EIF4B: variants seen among roughly 807,000 people sequenced by gnomAD.
EIF4B encodes eukaryotic translation initiation factor 4B.
In EIF4B, 8 loss-of-function variants were observed where a neutral mutation model predicts 79.3. The ratio of observed to expected loss-of-function variants is 0.10; its 90% CI spans 0.06 to 0.18. The LOEUF (loss-of-function observed/expected upper bound fraction) is 0.18, where lower values mean the gene tolerates loss of function less well. EIF4B is among the 10% of genes least tolerant of loss of function. The probability of loss-of-function intolerance (pLI) is 1.00; values close to 1 mark genes in which losing one functional copy is unlikely to be tolerated. For missense variants in EIF4B, 515 were observed against 792.4 expected (o/e 0.65, Z 4.20); for synonymous variants, 238 against 274.7 (o/e 0.87, Z 1.32).
In EIF4B at chr12:53,016,557, A is replaced by G. The variant is rs778491612; in HGVS notation, c.98A>G (p.Tyr33Cys). 76 of 1,613,240 alleles carry G rather than the reference A, an allele frequency of 4.7e-5. No homozygotes were observed. The highest frequency in any genetic ancestry group is 2.0e-4 in the Admixed American group (12 of 59,798). ...GGGGGTACTGGTGGAGGAAGCACCT[A>G]TGTTTCCAAACCAGTCAGCTGGGCT... ...EDGGTGGGST[Y>C]VSKPVSWADE... Residue 33 changes from tyrosine (Y) to cysteine (C), a missense_variant, in exon 2 of 15, where the codon TAT (tyrosine) becomes TGT (cysteine). By Grantham distance (194) the Tyr-to-Cys change is radical. Transcript: ENST00000262056.
At chr12:53,039,524 G>GT in intron 13 of EIF4B, 106 bp from the exon 14 acceptor site, 3 of 1,370,380 alleles carry the variant, frequency 2.2e-6, no homozygotes, top group Non-Finnish European at 3.0e-6. Context: ...AACAAGGACT[G>GT]TTGACTAGAG....
At chr12:53,016,744 A>G (rs1417875340) in intron 2 of EIF4B, 134 bp downstream of exon 2, 42 of 1,298,806 alleles carry the variant, frequency 3.2e-5, no homozygotes, top group Non-Finnish European at 1.9e-5. Flanking sequence ...TACATATTTT[A>G]TAGAATCTAA....
intron 8 of EIF4B, among the ~76,000 whole-genome samples, chr12:53,029,297 A>G (rs1943393686): frequency 6.6e-6 from 1 of 151,994 alleles, no homozygotes. Flanking sequence ...AATGGCCACC[A>G]TTTGTGTTCT....
intron 12 of EIF4B, 98 bp from the exon 13 acceptor site, chr12:53,039,140 C>T (rs1355717213): frequency 1.6e-5 from 14 of 853,922 alleles, no homozygotes; most frequent in South Asian, 8.4e-5. Flanking sequence ...TCCCTCAGTA[C>T]ATGTGGGCAC....
chr12:53,038,129 A>G (rs1943569622), intron 11 of EIF4B: 1 of 355,186 alleles, frequency 2.8e-6, no homozygotes, highest in Non-Finnish European at 5.1e-6. Context: ...AAGAAAAGAA[A>G]ATAGCAATAC....
At chr12:53,007,909 A>G (rs181920604) in intron 1 of EIF4B, among the ~76,000 whole-genome samples, 2 of 152,318 alleles carry the variant, frequency 1.3e-5, no homozygotes, top group Admixed American at 6.5e-5. Flanking sequence ...GCTAAGGAAT[A>G]TTATTTAAGG....
chr12:53,010,114 A>G (rs1032176380), intron 1 of EIF4B, among the ~76,000 whole-genome samples: 2 of 152,232 alleles, frequency 1.3e-5, no homozygotes, highest in African/African-American at 4.8e-5. Context: ...TGTAATGGTT[A>G]GCATGGCATG....
chr12:53,027,137 A>ATTTTTTTTTTTTTTTTT (rs71095967), intron 6 of EIF4B, among the ~76,000 whole-genome samples: 10 of 25,742 alleles, frequency 3.9e-4, no homozygotes, highest in African/African-American at 8.2e-4. Context: ...AAAAAAAAAA[A>ATTTTTTTTTTTTTTTTT]TTTTTTTTTT....
chr12:53,035,226 A>G (rs1449764773), intron 10 of EIF4B, among the ~76,000 whole-genome samples: 1 of 151,678 alleles, frequency 6.6e-6, no homozygotes, highest in African/African-American at 2.4e-5. Flanking sequence ...TTGTTTTGAG[A>G]CAGGGTCTTA....
intron 11 of EIF4B, chr12:53,038,013 C>T: frequency 3.8e-6 from 1 of 266,560 alleles, no homozygotes; most frequent in Non-Finnish European, 7.2e-6. Context: ...ATCCCAGCTA[C>T]TCGGGAGGCT....
intron 4 of EIF4B, 125 bp from the exon 5 acceptor site, chr12:53,021,681 G>GATTAC: frequency 9.0e-7 from 1 of 1,107,494 alleles, no homozygotes; most frequent in Non-Finnish European, 1.4e-6. Context: ...GTGTTAGCTA[G>GATTAC]ATTACAGTGT....
chr12:53,009,614 T>C (rs1943028740), intron 1 of EIF4B, among the ~76,000 whole-genome samples: 1 of 152,248 alleles, frequency 6.6e-6, no homozygotes, highest in South Asian at 2.1e-4. Context: ...ATTTGATTAT[T>C]TTTATAGGGA....
chr12:53,034,081 A>C (rs952115776), intron 9 of EIF4B, 47 bp downstream of exon 9: 1 of 1,545,056 alleles, frequency 6.5e-7, no homozygotes, highest in South Asian at 1.2e-5. Flanking sequence ...GGTGGTTCGT[A>C]ATGGGGGCAT....
At chr12:53,036,237 C>T (rs1943539126) in intron 10 of EIF4B, among the ~76,000 whole-genome samples, 1 of 152,042 alleles carries the variant, frequency 6.6e-6, no homozygotes, top group African/African-American at 2.4e-5. Flanking sequence ...CCAAGCCTCC[C>T]GAGTAGCTGG....
chr12:53,033,858 A>G lies in EIF4B; in HGVS notation c.1032A>G (p.Glu344=). ...LNLKPRSTPK[E]DDSSASTSQS... Reference sequence around the variant, plus strand: ...TAAAGCCTCGGAGTACTCCTAAGGAAGATGATTCCTCTGCTAGTACCTCCC... The same window carrying G: ...TAAAGCCTCGGAGTACTCCTAAGGAGGATGATTCCTCTGCTAGTACCTCCC... The change falls in exon 9 of 15, where the codon GAA becomes GAG. Residue 344 remains glutamate (E), a synonymous_variant. Coordinates refer to ENST00000262056, the MANE Select transcript of EIF4B (RefSeq NM_001417.7). 6.2e-7 allele frequency: 1 copy of G among 1,614,028 alleles called. No homozygotes were observed. The highest frequency in any genetic ancestry group is 8.5e-7 in the Non-Finnish European group (1 of 1,179,872).
At chr12:53,040,007 G>T in intron 14 of EIF4B, 136 bp from the exon 15 acceptor site, 1 of 986,464 alleles carries the variant, frequency 1.0e-6, no homozygotes. Context: ...CTCTCCAATG[G>T]ACAATGCTGA....
rs1484573636 is a variant in EIF4B at position 53,038,619 on chromosome 12, C to G, written c.1576+208C>G. The G allele has an allele frequency of 1.5e-5, 4 of 268,620 alleles. No homozygotes were observed. The East Asian group carries it at 2.0e-4, about 14-fold the overall frequency. The allele number at this position is 268,620 out of a possible 1,614,324, so 16.6% of individuals were successfully genotyped here. On this transcript the variant is annotated intron_variant, in intron 12 of 14. Transcript: ENST00000262056. ...CACAGGGCAGGAGTTTGAGACCAGC[C>G]TTACCAACATGGTGAAACCCCGTCT...
At chr12:53,037,805 C>A in intron 11 of EIF4B, 183 bp downstream of exon 11, 1 of 657,498 alleles carries the variant, frequency 1.5e-6, no homozygotes, top group Non-Finnish European at 2.6e-6. Context: ...TGGAGTTCCA[C>A]CACTTTGATA....
In EIF4B at chr12:53,018,197, G is replaced by T. The variant is rs1277385877; in HGVS notation, c.152-601G>T. The stretch of plus-strand genomic sequence containing the variant: ...GTAGAGACAGGGTTTCACCATAATG[G>T]TCAGGCTGGTCTCAAACCTGACCTC... On this transcript the variant is annotated intron_variant, in intron 2 of 14. Transcript: ENST00000262056. Among the ~76,000 whole-genome samples, 4 of 152,266 alleles carry T rather than the reference G, an allele frequency of 2.6e-5. No individual in the cohort carries two copies. In the East Asian group the frequency reaches 7.7e-4, roughly 29 times the overall value.
Sources: allele counts gnomAD v4.1 joint callset (sites outside exome capture counted in the v4.1 genomes callset), GRCh38; gene constraint gnomAD v4.1.1; transcripts MANE v1.5; gene names NCBI Gene and HGNC (gene_info 2026-07-23, HGNC 2026-07-21).